The following KIRREL3 variants were observed in gnomAD, a reference collection of about 807,000 sequenced individuals.
The protein encoded by KIRREL3 is kin of IRRE-like protein 3.
In KIRREL3, 36 loss-of-function variants were observed where a neutral mutation model predicts 89.7. The ratio of observed to expected loss-of-function variants is 0.40; its 90% CI spans 0.31 to 0.53. The LOEUF (loss-of-function observed/expected upper bound fraction) is 0.53. KIRREL3 is among the 20% of genes least tolerant of loss of function. The probability of loss-of-function intolerance (pLI) is 0.49; values close to 1 mark genes in which losing one functional copy is unlikely to be tolerated. For missense variants in KIRREL3, 864 were observed against 1,056.6 expected, an observed-to-expected ratio of 0.82 and a Z score of 2.53; for synonymous variants, 445 against 441.4, an observed-to-expected ratio of 1.01 and a Z score of -0.10.
rs1166508420 is a variant in KIRREL3 at position 126,697,332 on chromosome 11, G to A, written c.56-134420C>T. Among the ~76,000 whole-genome samples, 1 of 152,214 alleles carries A rather than the reference G, an allele frequency of 6.6e-6. No homozygotes were observed. Among genetic ancestry groups the A allele is most frequent in the Non-Finnish European group, 1.5e-5 (1 of 68,030 alleles). ...ACTGGCCTTGCCGGCTCACTGCACA[G>A]GGTGGGCACTTAGTCCCTGACTTGG... On this transcript the variant is annotated intron_variant, in intron 1 of 16. Coordinates refer to ENST00000525144, the MANE Select transcript of KIRREL3 (RefSeq NM_032531.4). The surrounding 1 kb of genome is among the most constrained non-coding windows in gnomAD (Gnocchi z 4.2).
intron 1 of KIRREL3, among the ~76,000 whole-genome samples, chr11:126,626,730 C>T (rs765324508): frequency 5.3e-5 from 8 of 152,176 alleles, no homozygotes; most frequent in South Asian, 2.1e-4. Context: ...CGGTGGCTCA[C>T]GCCTGTAATC....
chr11:126,595,140 G>T (rs560170962), intron 1 of KIRREL3, among the ~76,000 whole-genome samples: 1 of 152,252 alleles, frequency 6.6e-6, no homozygotes, highest in Non-Finnish European at 1.5e-5. Flanking sequence ...CCACTTCACC[G>T]GCCTTCTTTT....
intron 1 of KIRREL3, among the ~76,000 whole-genome samples, chr11:126,933,287 A>G (rs1041398397): frequency 6.6e-6 from 1 of 151,774 alleles, no homozygotes; most frequent in Non-Finnish European, 1.5e-5. Flanking sequence ...CAGTTTCTTT[A>G]TCCTTACTCC....
rs184008490 is a variant in KIRREL3, at chr11:126,649,464, T to C, written c.56-86552A>G. 1.9e-3 allele frequency among the ~76,000 whole-genome samples: 286 copies of C among 152,250 alleles called. 3 individuals are homozygous for C. The highest frequency in any genetic ancestry group is 6.4e-3 in the African/African-American group (268 of 41,552). ...AGTTACTCCCTAGATAAAATGAGGG[T>C]ACAGGTATTGGGTAAATACAGCCAT... On this transcript the variant is annotated intron_variant, in intron 1 of 16. Transcript: ENST00000525144.
At chr11:126,483,684 T>A (rs998620718) in intron 4 of KIRREL3, among the ~76,000 whole-genome samples, 1 of 152,118 alleles carries the variant, frequency 6.6e-6, no homozygotes, top group Non-Finnish European at 1.5e-5. Flanking sequence ...TCCAGTGAGG[T>A]CTCATCTCTG....
At chr11:126,679,930 C>G (rs1273739978) in intron 1 of KIRREL3, among the ~76,000 whole-genome samples, 1 of 152,148 alleles carries the variant, frequency 6.6e-6, no homozygotes, top group East Asian at 1.9e-4. Context: ...CTGTGTGCAG[C>G]CCATCTCATA....
Position 126,463,656 on chromosome 11 carries a change from T to C in KIRREL3, c.592-349A>G, listed in dbSNP as rs1480863207. Among the ~76,000 whole-genome samples the C allele has an allele frequency of 6.6e-6, 1 of 152,218 alleles. No homozygotes were observed. Among genetic ancestry groups the C allele is most frequent in the African/African-American group, 2.4e-5 (1 of 41,456 alleles). Reference sequence around the variant, plus strand: ...ATGTTGAAATGAACTCACATCTTTTTGCCTCTGGTGCTTGAGTGACAGTCT... The same window carrying C: ...ATGTTGAAATGAACTCACATCTTTTCGCCTCTGGTGCTTGAGTGACAGTCT... On this transcript the variant is annotated intron_variant, in intron 5 of 16. Transcript: ENST00000525144. The surrounding 1 kb of genome is among the most constrained non-coding windows in gnomAD (Gnocchi z 5.9).
Position 126,643,108 on chromosome 11 carries a change from G to A in KIRREL3, c.56-80196C>T, listed in dbSNP as rs1336165174. Among the ~76,000 whole-genome samples the A allele has an allele frequency of 6.6e-6, 1 of 152,152 alleles. No individual in the cohort carries two copies. Among genetic ancestry groups the A allele is most frequent in the Non-Finnish European group, 1.5e-5 (1 of 68,038 alleles). On this transcript the variant is annotated intron_variant, in intron 1 of 16. Coordinates refer to ENST00000525144, the MANE Select transcript of KIRREL3 (RefSeq NM_032531.4). The surrounding 1 kb of genome is among the most constrained non-coding windows in gnomAD (Gnocchi z 4.5). ...AGCACTGGAATCAGATTGGAAAACTGAGTCTGCCACTTACTAATTCTGTAA... is the reference window on the plus strand; with the variant it reads ...AGCACTGGAATCAGATTGGAAAACTAAGTCTGCCACTTACTAATTCTGTAA...
Position 126,883,864 on chromosome 11 carries a change from GA to G in KIRREL3, c.55+116590del, listed in dbSNP as rs933758006. ...CCTATATTACCCAGAATCAAAATTG[GA>G]ATGGAGAGGTGGAGACATAGGTTTT... is the stretch of plus-strand genomic sequence containing the variant. On this transcript the variant is annotated intron_variant, in intron 1 of 16. Transcript: ENST00000525144. This position sits in a 1 kb window ranked among gnomAD's most constrained non-coding sequence, Gnocchi z 4.1. Among the ~76,000 whole-genome samples the G allele has an allele frequency of 2.0e-5, 3 of 152,110 alleles. No individual in the cohort carries two copies. The highest frequency in any genetic ancestry group is 7.2e-5 in the African/African-American group (3 of 41,438).
intron 11 of KIRREL3, among the ~76,000 whole-genome samples, chr11:126,439,057 C>T (rs1955463949): frequency 2.6e-5 from 4 of 152,200 alleles, no homozygotes; most frequent in Admixed American, 2.0e-4. Flanking sequence ...GTTTTCATGC[C>T]TGAGATCCCT....
chr11:126,950,891 A>C (rs1028524231), intron 1 of KIRREL3, among the ~76,000 whole-genome samples: 19 of 152,362 alleles, frequency 1.2e-4, no homozygotes, highest in African/African-American at 4.6e-4. Context: ...AATAAAGGGG[A>C]GTTTCTAAGA....
chr11:126,561,690 G>A lies in KIRREL3; in HGVS notation c.133+1145C>T, dbSNP rs1302672788. On this transcript the variant is annotated intron_variant, in intron 2 of 16. Transcript: ENST00000525144. The surrounding 1 kb of genome is among the most constrained non-coding windows in gnomAD (Gnocchi z 4.5). ...TACAAATGGGAAGTAGCTTTTTGAT[G>A]CTGTTGGCTTCAGGCAGGCAGCAAA... 6.6e-6 allele frequency among the ~76,000 whole-genome samples: 1 copy of A among 152,184 alleles called. No individual in the cohort carries two copies. The highest frequency in any genetic ancestry group is 6.5e-5 in the Admixed American group (1 of 15,292).
In KIRREL3 at chr11:126,607,262, C is replaced by T. The variant is rs1222722649; in HGVS notation, c.56-44350G>A. On this transcript the variant is annotated intron_variant, in intron 1 of 16. Transcript: ENST00000525144. This position sits in a 1 kb window ranked among gnomAD's most constrained non-coding sequence, Gnocchi z 6.6. ...CCTCCTTGTACAGGAAGAAAAACTG[C>T]GGCCAGAGGGGCAAGGCGAGGAAGT... is the stretch of plus-strand genomic sequence containing the variant. Among the ~76,000 whole-genome samples, 6 of 152,206 alleles carry T rather than the reference C, an allele frequency of 3.9e-5. No individual in the cohort carries two copies. The highest frequency in any genetic ancestry group is 1.4e-4 in the African/African-American group (6 of 41,456).
At position 126,985,745 on chromosome 11, in the gene KIRREL3, C is replaced by T. The variant is rs528817724; in HGVS notation, c.55+14710G>A. Among the ~76,000 whole-genome samples, 3 of 152,204 alleles carry T rather than the reference C, an allele frequency of 2.0e-5. No homozygotes were observed. The highest frequency in any genetic ancestry group is 4.2e-4 in the South Asian group (2 of 4,814). On this transcript the variant is annotated intron_variant, in intron 1 of 16. Coordinates refer to ENST00000525144, the MANE Select transcript of KIRREL3 (RefSeq NM_032531.4). This position sits in a 1 kb window ranked among gnomAD's most constrained non-coding sequence, Gnocchi z 5.3. ...AGGTGTCGGGATGCTGTCAAAGGAA[C>T]GTACACCCATGAGAAGATAGCGAAC...
chr11:126,681,802 T>C (rs777850146), intron 1 of KIRREL3: 4 of 431,556 alleles, frequency 9.3e-6, no homozygotes, highest in East Asian at 1.4e-4. Context: ...AGGCTGAAAA[T>C]ATTGGATCAG....
chr11:126,727,030 C>G (rs1948414969), intron 1 of KIRREL3, among the ~76,000 whole-genome samples: 1 of 152,236 alleles, frequency 6.6e-6, no homozygotes, highest in South Asian at 2.1e-4. Context: ...AGCCTACCTT[C>G]ACTCATCTAG....
At chr11:126,863,420 CGCAT>C (rs1944780199) in intron 1 of KIRREL3, among the ~76,000 whole-genome samples, 5 of 136,062 alleles carry the variant, frequency 3.7e-5, no homozygotes, top group African/African-American at 8.3e-5. Flanking sequence ...CGTGTGTGAG[CGCAT>C]GTGTGTGAGT....
chr11:126,596,310 C>T (rs1490328629), intron 1 of KIRREL3, among the ~76,000 whole-genome samples: 3 of 152,176 alleles, frequency 2.0e-5, no homozygotes, highest in Admixed American at 1.3e-4. Flanking sequence ...GTCAAACAAA[C>T]GTAAGTGAAA....
Position 126,565,099 on chromosome 11 carries a change from G to T in KIRREL3, c.56-2187C>A, listed in dbSNP as rs978145696. On this transcript the variant is annotated intron_variant, in intron 1 of 16. Transcript: ENST00000525144. This position sits in a 1 kb window ranked among gnomAD's most constrained non-coding sequence, Gnocchi z 5.4. ...GAGGGAGGCAGGGGAGCACTGAGTA[G>T]GGAGGGCAGAAGATACTGGATGGAT... is the stretch of plus-strand genomic sequence containing the variant. Among the ~76,000 whole-genome samples the T allele has an allele frequency of 6.6e-6, 1 of 152,196 alleles. No homozygotes were observed. Among genetic ancestry groups the T allele is most frequent in the African/African-American group, 2.4e-5 (1 of 41,460 alleles).
Sources: allele counts gnomAD v4.1 joint callset (sites outside exome capture counted in the v4.1 genomes callset), GRCh38; gene constraint gnomAD v4.1.1; non-coding constraint Gnocchi (gnomAD v3.1); transcripts MANE v1.5; gene names NCBI Gene and HGNC (gene_info 2026-07-23, HGNC 2026-07-21).